SYT14: variants seen among roughly 807,000 people sequenced by gnomAD.
The protein encoded by SYT14 is synaptotagmin-14.
SYT14 carries 32 observed loss-of-function variants against 74.2 expected under a neutral mutation model. The observed-to-expected ratio is 0.43, with a 90% CI of 0.33 to 0.58. The LOEUF is 0.58. SYT14 is among the 20% of genes least tolerant of loss of function. The pLI is 0.05. For missense variants in SYT14, 791 were observed against 981.8 expected, an observed-to-expected ratio of 0.81 and a Z score of 2.60; for synonymous variants, 298 against 337.7, an observed-to-expected ratio of 0.88 and a Z score of 1.29.
At chr1:210,086,472 T>G (rs2081734359) in intron 5 of SYT14, among the ~76,000 whole-genome samples, 1 of 152,228 alleles carries the variant, frequency 6.6e-6, no homozygotes, top group African/African-American at 2.4e-5. Context: ...GGGAGCACTG[T>G]CAAGCTGATT....
At chr1:210,071,425 G>A (rs1406914951) in intron 5 of SYT14, among the ~76,000 whole-genome samples, 1 of 151,802 alleles carries the variant, frequency 6.6e-6, no homozygotes, top group Non-Finnish European at 1.5e-5. Context: ...AAAAGGACTT[G>A]CCTAGCCACA....
intron 1 of SYT14, 101 bp from the exon 2 acceptor site, chr1:209,952,608 T>C: frequency 5.0e-6 from 5 of 1,009,582 alleles, no homozygotes; most frequent in Non-Finnish European, 7.7e-6. Flanking sequence ...GGAAACTTTT[T>C]TTGAGGTCAC....
intron 2 of SYT14, among the ~76,000 whole-genome samples, chr1:209,979,384 C>T (rs1014413740): frequency 6.6e-6 from 1 of 152,146 alleles, no homozygotes; most frequent in Non-Finnish European, 1.5e-5. Context: ...TTCTTTGAGC[C>T]TGTGGATGTT....
At chr1:210,029,825 T>C (rs146039133) in intron 5 of SYT14, among the ~76,000 whole-genome samples, 18 of 152,294 alleles carry the variant, frequency 1.2e-4, no homozygotes, top group Non-Finnish European at 2.6e-4. Flanking sequence ...AATCTGTAAA[T>C]CACTTTTGGT....
chr1:209,941,880 A>G (rs1315693176), intron 1 of SYT14, among the ~76,000 whole-genome samples: 1 of 152,210 alleles, frequency 6.6e-6, no homozygotes, highest in Non-Finnish European at 1.5e-5. Flanking sequence ...ATATGGCATA[A>G]TATTTGCATA....
chr1:209,941,929 C>T (rs2078737313), intron 1 of SYT14, among the ~76,000 whole-genome samples: 1 of 152,136 alleles, frequency 6.6e-6, no homozygotes, highest in African/African-American at 2.4e-5. Context: ...TAAATCATCT[C>T]CAGTCTACTT....
intron 5 of SYT14, among the ~76,000 whole-genome samples, chr1:210,088,947 A>T (rs1343403030): frequency 6.6e-6 from 1 of 150,626 alleles, no homozygotes; most frequent in Non-Finnish European, 1.5e-5. Context: ...TGTTACATAG[A>T]TATACACGTG....
intron 7 of SYT14, among the ~76,000 whole-genome samples, chr1:210,118,078 A>G (rs2082393378): frequency 6.6e-6 from 1 of 152,212 alleles, no homozygotes. Context: ...TCTTCATGAT[A>G]CCAACTTTAG....
chr1:209,981,450 CTTTTT>C (rs1183885685), intron 2 of SYT14, among the ~76,000 whole-genome samples: 2 of 99,048 alleles, frequency 2.0e-5, no homozygotes, highest in African/African-American at 8.0e-5. Flanking sequence ...TTTTTCTTTT[CTTTTT>C]TTTTTTTTTT....
chr1:210,116,375 T>A (rs921986935), intron 7 of SYT14, among the ~76,000 whole-genome samples: 5 of 152,244 alleles, frequency 3.3e-5, no homozygotes, highest in African/African-American at 1.2e-4. Flanking sequence ...AGTCTCACTC[T>A]GTTTCCACGC....
intron 1 of SYT14, among the ~76,000 whole-genome samples, chr1:209,951,138 G>A (rs933355862): frequency 1.3e-5 from 2 of 152,140 alleles, no homozygotes; most frequent in African/African-American, 2.4e-5. Context: ...AACATTTAAG[G>A]TCTATTCTTG....
chr1:210,016,120 A>C, exon 4 of SYT14: 1 of 1,232,168 alleles, frequency 8.1e-7, no homozygotes, highest in South Asian at 4.1e-5. Context: ...GCTATGCTTT[A>C]ACTGACTCAG....
chr1:210,002,392 C>A (rs1342302369), intron 2 of SYT14, among the ~76,000 whole-genome samples: 2 of 151,908 alleles, frequency 1.3e-5, no homozygotes, highest in African/African-American at 4.8e-5. Context: ...ATATTGGAAT[C>A]TTTATATTGG....
intron 2 of SYT14, among the ~76,000 whole-genome samples, chr1:209,990,549 G>GTATATATATGTATATACATATGTA: frequency 1.8e-5 from 1 of 56,892 alleles, no homozygotes; most frequent in Non-Finnish European, 4.7e-5. Context: ...GTATATATAT[G>GTATATATATGTATATACATATGTA]TATATATATA....
At chr1:209,987,372 G>A (rs1045855325) in intron 2 of SYT14, among the ~76,000 whole-genome samples, 5 of 152,214 alleles carry the variant, frequency 3.3e-5, no homozygotes, top group South Asian at 4.1e-4. Context: ...CAAGCATGGC[G>A]CTGGCATCTG....
chr1:210,035,337 T>G (rs1264773674), intron 5 of SYT14, among the ~76,000 whole-genome samples: 7 of 152,098 alleles, frequency 4.6e-5, no homozygotes, highest in African/African-American at 1.4e-4. Flanking sequence ...GATGCATAGT[T>G]TGGAAATATT....
intron 7 of SYT14, among the ~76,000 whole-genome samples, chr1:210,145,983 C>T (rs1321121413): frequency 6.6e-6 from 1 of 152,176 alleles, no homozygotes; most frequent in African/African-American, 2.4e-5. Flanking sequence ...ATATACTTTT[C>T]TACTGCTGAG....
At chr1:210,008,800 T>A (rs1046269902) in intron 2 of SYT14, among the ~76,000 whole-genome samples, 1 of 152,224 alleles carries the variant, frequency 6.6e-6, no homozygotes, top group Non-Finnish European at 1.5e-5. Context: ...TTATGCAGAA[T>A]GACTTTCTAA....
chr1:210,008,829 A>G (rs1431224973), intron 2 of SYT14, among the ~76,000 whole-genome samples: 1 of 152,168 alleles, frequency 6.6e-6, no homozygotes, highest in Admixed American at 6.5e-5. Context: ...ATAGTATACA[A>G]AGATTTTAGG....
Sources: allele counts gnomAD v4.1 joint callset (sites outside exome capture counted in the v4.1 genomes callset), GRCh38; gene constraint gnomAD v4.1.1; transcripts MANE v1.5; gene names NCBI Gene and HGNC (gene_info 2026-07-23, HGNC 2026-07-21).